The following NECTIN3 variants were observed in gnomAD, a reference collection of about 807,000 sequenced individuals.
NECTIN3 encodes the protein nectin-3.
In NECTIN3, 8 loss-of-function variants were observed where a neutral mutation model predicts 49.4. That is an observed-to-expected ratio of 0.16 (90% CI 0.10 to 0.29). NECTIN3 has a LOEUF of 0.29. Among genes scored for constraint, NECTIN3 ranks in the 10% least tolerant of loss-of-function variants. The probability of loss-of-function intolerance (pLI) is 1.00; values close to 1 mark genes in which losing one functional copy is unlikely to be tolerated. For synonymous variants in NECTIN3, 277 were observed against 241.1 expected, an observed-to-expected ratio of 1.15 and a Z score of -1.38; for missense variants, 581 against 654.6, an observed-to-expected ratio of 0.89 and a Z score of 1.23.
rs560843848 is a variant in NECTIN3, at chr3:111,136,544, A to G, written c.*2329A>G. 164 of 957,968 alleles carry G rather than the reference A, an allele frequency of 1.7e-4. No individual in the cohort carries two copies. In the African/African-American group the frequency reaches 2.2e-3, roughly 13 times the overall value. The allele number at this position is 957,968 out of a possible 1,614,324, so 59.3% of individuals were successfully genotyped here. ...ACTGTTGTTTATTAGAACTTTATGT[A>G]TATTTACTGTACATAGAGACTTGTT... On this transcript the variant is annotated 3_prime_UTR_variant, in exon 6 of 6. Transcript: ENST00000485303.
intron 1 of NECTIN3, among the ~76,000 whole-genome samples, chr3:111,102,880 TC>T (rs2032985111): frequency 6.6e-6 from 1 of 152,230 alleles, no homozygotes; most frequent in Non-Finnish European, 1.5e-5. Context: ...GTCTGGTTGT[TC>T]CAGCATCATT....
At chr3:111,072,265 G>A in intron 1 of NECTIN3, 88 bp downstream of exon 1, 1 of 1,470,804 alleles carries the variant, frequency 6.8e-7, no homozygotes, top group South Asian at 1.4e-5. Flanking sequence ...CCGTTCTCTG[G>A]AGCAGCGAGG....
chr3:111,123,927 T>G (rs913794816), intron 4 of NECTIN3, among the ~76,000 whole-genome samples: 5 of 152,208 alleles, frequency 3.3e-5, no homozygotes, highest in African/African-American at 1.2e-4. Flanking sequence ...TTTTTAAATC[T>G]ATTTTCTGTC....
At chr3:111,158,818 C>G (rs2107518160) in intron 7 of NECTIN3, among the ~76,000 whole-genome samples, 1 of 152,222 alleles carries the variant, frequency 6.6e-6, no homozygotes, top group Non-Finnish European at 1.5e-5. Flanking sequence ...ACCACAGACG[C>G]AAACAAAATT....
chr3:111,072,386 G>T, intron 1 of NECTIN3: 7 of 1,506,376 alleles, frequency 4.6e-6, no homozygotes, highest in Non-Finnish European at 5.3e-6. Context: ...GCGGCCCGCT[G>T]CCCTCCCCCG....
chr3:111,110,715 GA>G (rs63707462), intron 1 of NECTIN3, among the ~76,000 whole-genome samples: 6,884 of 152,048 alleles, frequency 0.045, 527 homozygotes, highest in African/African-American at 0.16. Context: ...TTCAGGGCCT[GA>G]TACTTTTTTG....
intron 1 of NECTIN3, among the ~76,000 whole-genome samples, chr3:111,092,836 G>A (rs2032355708): frequency 1.3e-5 from 2 of 152,094 alleles, no homozygotes; most frequent in African/African-American, 2.4e-5. Context: ...GTCAATTTCA[G>A]CAATTGTGCC....
chr3:111,143,937 CAA>C (rs1020673626), intron 5 of NECTIN3, among the ~76,000 whole-genome samples: 3 of 151,916 alleles, frequency 2.0e-5, no homozygotes, highest in African/African-American at 4.8e-5. Context: ...AAGACAAAAA[CAA>C]AATCAGATGT....
In NECTIN3 at chr3:111,136,762, T is replaced by G; in HGVS notation, c.*2547T>G. ...TGAACTGTTTTAGCATTTTGTAAATTCACTTGAGAGTTTTCTTTCATACTG... is the reference window on the plus strand; with the variant it reads ...TGAACTGTTTTAGCATTTTGTAAATGCACTTGAGAGTTTTCTTTCATACTG... On this transcript the variant is annotated 3_prime_UTR_variant, in exon 6 of 6. Coordinates refer to ENST00000485303, the MANE Select transcript of NECTIN3 (RefSeq NM_015480.3). 1 of 926,634 alleles carries G rather than the reference T, an allele frequency of 1.1e-6. No homozygotes were observed. The allele number at this position is 926,634 out of a possible 1,614,324, so 57.4% of individuals were successfully genotyped here. A position where few individuals can be genotyped will look rare whatever the true frequency, so the allele number is the denominator to read the frequency against.
At chr3:111,193,419 T>C (rs2035851351) in intron 1 of NECTIN3, 1 of 1,511,852 alleles carries the variant, frequency 6.6e-7, no homozygotes, top group South Asian at 1.2e-5. Context: ...CAAATGTTTA[T>C]TCTTAGATTG....
chr3:111,086,347 A>AG (rs1389958001), intron 1 of NECTIN3, among the ~76,000 whole-genome samples: 3 of 152,242 alleles, frequency 2.0e-5, no homozygotes, highest in South Asian at 2.1e-4. Context: ...GTTTTTGTTT[A>AG]GGAAATCTTT....
chr3:111,173,547 A>G (rs4682240), intron 7 of NECTIN3, among the ~76,000 whole-genome samples: 40,257 of 151,990 alleles, frequency 0.26, 10,885 homozygotes, highest in African/African-American at 0.66. Context: ...AAGAACAATC[A>G]CTTCTCCCTG....
At chr3:111,130,555 A>T (rs1222632717) in intron 5 of NECTIN3, among the ~76,000 whole-genome samples, 1 of 152,162 alleles carries the variant, frequency 6.6e-6, no homozygotes. Context: ...ATAGATATTT[A>T]AAAATTTGAG....
At chr3:111,194,170 A>AT (rs1356638291) in intron 1 of NECTIN3, among the ~76,000 whole-genome samples, 1 of 152,150 alleles carries the variant, frequency 6.6e-6, no homozygotes, top group Non-Finnish European at 1.5e-5. Flanking sequence ...CCTTGTTTAA[A>AT]TGGTGTACAG....
rs904158117 is a variant in NECTIN3, at chr3:111,136,749, G to A, written c.*2534G>A. ...CTTTCATATGGTTTGAACTGTTTTA[G>A]CATTTTGTAAATTCACTTGAGAGTT... is the stretch of plus-strand genomic sequence containing the variant. On this transcript the variant is annotated 3_prime_UTR_variant, in exon 6 of 6. Transcript: ENST00000485303. 3.7e-5 allele frequency: 34 copies of A among 921,522 alleles called. No homozygotes were observed. Among genetic ancestry groups the A allele is most frequent in the Non-Finnish European group, 4.3e-5 (33 of 772,208 alleles). 57.1% of individuals were successfully genotyped at this position (921,522 alleles called of 1,614,324 possible).
Position 111,135,062 on chromosome 3 carries a change from A to G in NECTIN3, c.*847A>G, listed in dbSNP as rs2034530462. On this transcript the variant is annotated 3_prime_UTR_variant, in exon 6 of 6. Transcript: ENST00000485303. ...CTTTATGTCCTAAACATACTAATAGAAATGAAAAGACGCAGAGAGAGCATT... is the reference window on the plus strand; with the variant it reads ...CTTTATGTCCTAAACATACTAATAGGAATGAAAAGACGCAGAGAGAGCATT... The G allele has an allele frequency of 2.0e-6, 2 of 981,716 alleles. No homozygotes were observed. Among genetic ancestry groups the G allele is most frequent in the Admixed American group, 6.2e-5 (1 of 16,156 alleles). The allele number at this position is 981,716 out of a possible 1,614,324, so 60.8% of individuals were successfully genotyped here.
intron 1 of NECTIN3, among the ~76,000 whole-genome samples, chr3:111,094,615 A>C (rs2032480481): frequency 6.6e-6 from 1 of 152,204 alleles, no homozygotes; most frequent in Non-Finnish European, 1.5e-5. Context: ...GCCTGAGGCG[A>C]AGTCTTGGAA....
rs558304709 is a variant in NECTIN3 at position 111,117,586 on chromosome 3, G to A, written c.503-1070G>A. On this transcript the variant is annotated intron_variant, in intron 2 of 5. Transcript: ENST00000485303. ...ATAAGGAAAATAATCATATCCATGA[G>A]AGTAAAATGTGAAATAAAAATAGGT... Among the ~76,000 whole-genome samples, 18 of 151,958 alleles carry A rather than the reference G, an allele frequency of 1.2e-4. No individual in the cohort carries two copies. The South Asian group carries it at 3.3e-3, about 28-fold the overall frequency.
At chr3:111,096,965 A>C (rs977263187) in intron 1 of NECTIN3, among the ~76,000 whole-genome samples, 4 of 152,216 alleles carry the variant, frequency 2.6e-5, no homozygotes, top group African/African-American at 7.2e-5. Flanking sequence ...CACCTAGTGG[A>C]GCTGTGAGAA....
Sources: allele counts gnomAD v4.1 joint callset (sites outside exome capture counted in the v4.1 genomes callset), GRCh38; gene constraint gnomAD v4.1.1; transcripts MANE v1.5; gene names NCBI Gene and HGNC (gene_info 2026-07-23, HGNC 2026-07-21).